THADA: variants seen among roughly 807,000 people sequenced by gnomAD.
THADA encodes tRNA (32-2'-O)-methyltransferase regulator THADA.
THADA carries 213 observed loss-of-function variants against 219.8 expected under a neutral mutation model. That is an observed-to-expected ratio of 0.97 (90% CI 0.87 to 1.09). The LOEUF (loss-of-function observed/expected upper bound fraction) is 1.09, where lower values mean the gene tolerates loss of function less well. THADA is among the 50% of genes least tolerant of loss of function. The pLI, the probability that THADA is intolerant of heterozygous loss-of-function variation, is 0.00. For missense variants in THADA, 2,956 were observed against 2,311.3 expected, an observed-to-expected ratio of 1.28 and a Z score of -5.72; for synonymous variants, 1,018 against 828.9, an observed-to-expected ratio of 1.23 and a Z score of -3.92.
intron 17 of THADA, among the ~76,000 whole-genome samples, chr2:43,552,877 C>A (rs946395199): frequency 5.9e-5 from 9 of 151,884 alleles, no homozygotes; most frequent in Admixed American, 3.9e-4. Flanking sequence ...CCTTCTCCAG[C>A]CCTAGAGGAT....
intron 30 of THADA, among the ~76,000 whole-genome samples, chr2:43,322,674 CTTTTTTTTTTT>C (rs34557514): frequency 8.8e-4 from 48 of 54,820 alleles, no homozygotes; most frequent in Non-Finnish European, 1.3e-3. Flanking sequence ...ACATTCTATT[CTTTTTTTTTTT>C]TTTTTTTTTT....
At chr2:43,310,724 G>C (rs1410982378) in intron 31 of THADA, among the ~76,000 whole-genome samples, 1 of 152,162 alleles carries the variant, frequency 6.6e-6, no homozygotes, top group Non-Finnish European at 1.5e-5. Flanking sequence ...ATAAAAAACA[G>C]ATACAATGGA....
At chr2:43,551,382 TG>T (rs1696719782) in intron 19 of THADA, among the ~76,000 whole-genome samples, 1 of 152,162 alleles carries the variant, frequency 6.6e-6, no homozygotes, top group Non-Finnish European at 1.5e-5. Flanking sequence ...TTGTACTTAA[TG>T]GCTGAGGAGC....
chr2:43,504,114 T>C (rs1464787236), intron 24 of THADA, among the ~76,000 whole-genome samples: 6 of 152,122 alleles, frequency 3.9e-5, no homozygotes, highest in Admixed American at 3.9e-4. Context: ...GTCCCCAGCA[T>C]TTCAGATAAA....
chr2:43,417,954 T>G (rs968619589), intron 28 of THADA, among the ~76,000 whole-genome samples: 3 of 152,180 alleles, frequency 2.0e-5, no homozygotes, highest in Non-Finnish European at 4.4e-5. Context: ...CCTAAAATAT[T>G]GCCTGGCTTA....
intron 36 of THADA, among the ~76,000 whole-genome samples, chr2:43,272,286 G>C (rs1441000974): frequency 3.3e-5 from 5 of 152,216 alleles, no homozygotes; most frequent in Non-Finnish European, 5.9e-5. Context: ...CCCAGATTAA[G>C]ATGGGAAGCC....
intron 25 of THADA, 88 bp from the exon 26 acceptor site, chr2:43,485,413 C>T: frequency 2.2e-6 from 2 of 893,890 alleles, no homozygotes; most frequent in Non-Finnish European, 3.6e-6. Flanking sequence ...AATTCAAAAT[C>T]ATTACCTAAC....
At chr2:43,448,560 C>CTTTTTTTTTTTTTTTTTTTTTTTTTT in intron 26 of THADA, among the ~76,000 whole-genome samples, 1 of 103,628 alleles carries the variant, frequency 9.6e-6, no homozygotes, top group Non-Finnish European at 1.9e-5. Flanking sequence ...TTCTTCCTTT[C>CTTTTTTTTTTTTTTTTTTTTTTTTTT]TTTTTTTTTT....
chr2:43,534,261 A>G (rs961633871), intron 21 of THADA, among the ~76,000 whole-genome samples: 1 of 152,216 alleles, frequency 6.6e-6, no homozygotes. Context: ...TATAATAAAT[A>G]GTGATCAGAT....
At chr2:43,445,032 T>A (rs770692599) in intron 26 of THADA, among the ~76,000 whole-genome samples, 51 of 152,288 alleles carry the variant, frequency 3.3e-4, no homozygotes, top group Non-Finnish European at 2.4e-4. Flanking sequence ...CAGTTAGTAT[T>A]TCAATCGGGA....
intron 22 of THADA, among the ~76,000 whole-genome samples, chr2:43,523,288 A>C (rs1196165198): frequency 1.3e-5 from 2 of 151,684 alleles, no homozygotes; most frequent in Non-Finnish European, 2.9e-5. Flanking sequence ...TGATCACTTA[A>C]GCCAGGAGGC....
In THADA at chr2:43,581,782, A is replaced by G. The variant is rs372882224; in HGVS notation, c.680T>C (p.Met227Thr). The G allele has an allele frequency of 4.1e-5, 66 of 1,612,314 alleles. No homozygotes were observed. In the South Asian group the frequency reaches 6.1e-4, roughly 15 times the overall value. Reference protein sequence around the residue: ...KTSDSPIWQNMCGLLSIFTKV... With the variant: ...KTSDSPIWQNTCGLLSIFTKV... The stretch of plus-strand genomic sequence containing the variant: ...GGTAAAAATACTCAGCAATCCACAC[A>G]TATTTTGCCATATGGGAGAATCGGA... Residue 227 changes from methionine (M) to threonine (T), a missense_variant, in exon 8 of 38, where the codon ATG (methionine) becomes ACG (threonine). Met to Thr is a moderately conservative substitution (Grantham distance 81). Transcript: ENST00000405975.
intron 29 of THADA, among the ~76,000 whole-genome samples, chr2:43,346,467 A>C (rs1667640549): frequency 6.6e-6 from 1 of 152,080 alleles, no homozygotes; most frequent in African/African-American, 2.4e-5. Flanking sequence ...GCAAGTAGCA[A>C]GGCAACTCTT....
At chr2:43,586,636 A>T in intron 6 of THADA, 66 bp downstream of exon 6, 1 of 1,525,416 alleles carries the variant, frequency 6.6e-7, no homozygotes, top group South Asian at 1.2e-5. Context: ...AACTTAAAAG[A>T]GCCAGTTCCA....
chr2:43,563,522 T>C (rs993769973), intron 15 of THADA: 1 of 152,218 alleles, frequency 6.6e-6, no homozygotes, highest in Non-Finnish European at 1.5e-5. Context: ...TATTACTTGT[T>C]CATTACTATC....
At chr2:43,389,342 G>A (rs1673074359) in intron 29 of THADA, among the ~76,000 whole-genome samples, 1 of 152,056 alleles carries the variant, frequency 6.6e-6, no homozygotes, top group Non-Finnish European at 1.5e-5. Flanking sequence ...TAAAATAATA[G>A]CTAAAAGCCA....
chr2:43,452,783 C>A (rs1007036611), intron 26 of THADA, among the ~76,000 whole-genome samples: 3 of 152,190 alleles, frequency 2.0e-5, no homozygotes, highest in Non-Finnish European at 4.4e-5. Context: ...AAAATCTAAT[C>A]ATCTGCTGTT....
intron 28 of THADA, among the ~76,000 whole-genome samples, chr2:43,420,767 A>T (rs1369820367): frequency 6.6e-6 from 1 of 152,250 alleles, no homozygotes; most frequent in Non-Finnish European, 1.5e-5. Context: ...AAAATTGGTG[A>T]CAGATAACAA....
At chr2:43,360,985 GT>G (rs1669449453) in intron 29 of THADA, among the ~76,000 whole-genome samples, 1 of 152,106 alleles carries the variant, frequency 6.6e-6, no homozygotes, top group Admixed American at 6.5e-5. Flanking sequence ...AACATTTTTA[GT>G]TGTCACAACT....
Sources: allele counts gnomAD v4.1 joint callset (sites outside exome capture counted in the v4.1 genomes callset), GRCh38; gene constraint gnomAD v4.1.1; transcripts MANE v1.5; gene names NCBI Gene and HGNC (gene_info 2026-07-23, HGNC 2026-07-21).